The following GRAP2 variants were observed in gnomAD, a reference collection of about 807,000 sequenced individuals.
The protein encoded by GRAP2 is GRB2-related adapter protein 2.
In GRAP2, 31 loss-of-function variants were observed where a neutral mutation model predicts 43.5. The observed-to-expected ratio is 0.71, with a 90% CI of 0.54 to 0.96. The LOEUF (loss-of-function observed/expected upper bound fraction) is 0.96. Among genes scored for constraint, GRAP2 ranks in the 40% least tolerant of loss-of-function variants. The pLI, the probability that GRAP2 is intolerant of heterozygous loss-of-function variation, is 0.00. For missense variants in GRAP2, 371 were observed against 424.4 expected (o/e 0.87, Z 1.11); for synonymous variants, 156 against 164.8 (o/e 0.95, Z 0.41).
intron 3 of GRAP2, among the ~76,000 whole-genome samples, chr22:39,959,001 A>G (rs182051055): frequency 1.3e-5 from 2 of 152,372 alleles, no homozygotes; most frequent in Admixed American, 1.3e-4. Context: ...GAAAGCACAG[A>G]GAATTGCTCA....
At chr22:39,922,385 A>G (rs540178212) in intron 1 of GRAP2, among the ~76,000 whole-genome samples, 9 of 152,342 alleles carry the variant, frequency 5.9e-5, no homozygotes, top group Admixed American at 2.0e-4. Flanking sequence ...TAGTCCAAGA[A>G]GAAACACTCA....
chr22:39,898,865 C>T (rs1203215016), upstream of GRAP2, among the ~76,000 whole-genome samples: 1 of 152,058 alleles, frequency 6.6e-6, no homozygotes, highest in Non-Finnish European at 1.5e-5. Flanking sequence ...CAGATATAAA[C>T]AAATGACCCC....
intron 1 of GRAP2, among the ~76,000 whole-genome samples, chr22:39,912,921 G>A (rs144324987): frequency 6.6e-6 from 1 of 152,038 alleles, no homozygotes; most frequent in Non-Finnish European, 1.5e-5. Flanking sequence ...GGCCGGTCAC[G>A]GTGGCTCACA....
chr22:39,894,243 T>A, the GRAP2 span, among the ~76,000 whole-genome samples: 1 of 152,016 alleles, frequency 6.6e-6, no homozygotes, highest in Non-Finnish European at 1.5e-5. Context: ...CTCTTTTTTT[T>A]TATTTATTAT....
At chr22:39,965,958 A>G in intron 4 of GRAP2, 32 bp from the exon 5 acceptor site, 1 of 1,588,750 alleles carries the variant, frequency 6.3e-7, no homozygotes, top group Non-Finnish European at 8.6e-7. Context: ...ATCACCGTGT[A>G]ACATACAATT....
At chr22:39,907,597 C>G (rs1028654241) in intron 1 of GRAP2, among the ~76,000 whole-genome samples, 2 of 151,930 alleles carry the variant, frequency 1.3e-5, no homozygotes, top group African/African-American at 4.8e-5. Flanking sequence ...AAAAAATTAG[C>G]CAGGCCCAGT....
intron 1 of GRAP2, among the ~76,000 whole-genome samples, chr22:39,918,256 A>G (rs1222496439): frequency 6.6e-6 from 1 of 152,148 alleles, no homozygotes. Flanking sequence ...CTATTTCAGT[A>G]CTGGCTCCTA....
intron 7 of GRAP2, among the ~76,000 whole-genome samples, chr22:39,970,554 T>A (rs1022071393): frequency 3.3e-5 from 5 of 152,228 alleles, no homozygotes; most frequent in Non-Finnish European, 7.3e-5. Flanking sequence ...GTAAAAGTCC[T>A]GGGTCTCCAG....
intron 1 of GRAP2, among the ~76,000 whole-genome samples, chr22:39,922,228 G>T (rs1184056887): frequency 6.6e-6 from 1 of 152,168 alleles, no homozygotes; most frequent in African/African-American, 2.4e-5. Flanking sequence ...TTTCCATTGG[G>T]TGCCATACTT....
intron 4 of GRAP2, among the ~76,000 whole-genome samples, chr22:39,962,174 G>T (rs2067126472): frequency 6.6e-6 from 1 of 152,190 alleles, no homozygotes; most frequent in South Asian, 2.1e-4. Flanking sequence ...TCTAATCCCA[G>T]CACTTTGGGA....
At chr22:39,910,847 GTATTAGC>G (rs1302670215) in intron 1 of GRAP2, among the ~76,000 whole-genome samples, 1 of 152,026 alleles carries the variant, frequency 6.6e-6, no homozygotes, top group Non-Finnish European at 1.5e-5. Context: ...CAGAGCTAGG[GTATTAGC>G]TTCCCCTCCC....
At chr22:39,924,064 G>A (rs892992012) in intron 1 of GRAP2, among the ~76,000 whole-genome samples, 3 of 152,194 alleles carry the variant, frequency 2.0e-5, no homozygotes, top group African/African-American at 4.8e-5. Context: ...GCCATGTGAC[G>A]TTAAACCATC....
At chr22:39,896,247 G>A (rs754420697), upstream of GRAP2, among the ~76,000 whole-genome samples, 3 of 152,216 alleles carry the variant, frequency 2.0e-5, no homozygotes, top group Non-Finnish European at 4.4e-5. Context: ...TAAGGCAGAG[G>A]TCATGGGCAT....
intron 4 of GRAP2, among the ~76,000 whole-genome samples, chr22:39,965,132 G>A (rs1209375827): frequency 2.0e-5 from 3 of 152,210 alleles, no homozygotes; most frequent in Admixed American, 2.0e-4. Context: ...CCTCACACCT[G>A]TAATCCCAGC....
chr22:39,949,287 G>A (rs763793285), intron 2 of GRAP2, among the ~76,000 whole-genome samples: 7 of 152,234 alleles, frequency 4.6e-5, no homozygotes, highest in South Asian at 2.1e-4. Context: ...AGTAACCAAC[G>A]TCTCCTGAGC....
chr22:39,950,254 C>T (rs541875570), intron 2 of GRAP2, among the ~76,000 whole-genome samples: 1 of 152,342 alleles, frequency 6.6e-6, no homozygotes, highest in Admixed American at 6.5e-5. Context: ...CTCTTCAGCT[C>T]CTCCCCAACA....
chr22:39,908,091 T>G (rs1441903955), intron 1 of GRAP2, among the ~76,000 whole-genome samples: 1 of 152,216 alleles, frequency 6.6e-6, no homozygotes, highest in African/African-American at 2.4e-5. Flanking sequence ...AGTTTCTTCC[T>G]TAGTCAAGTG....
At position 39,942,400 on chromosome 22, in the gene GRAP2, C is replaced by A. The variant is rs111677218; in HGVS notation, c.-14-4693C>A. 4.2e-3 allele frequency among the ~76,000 whole-genome samples: 645 copies of A among 152,270 alleles called. 3 individuals are homozygous for A. The highest frequency in any genetic ancestry group is 7.1e-3 in the Admixed American group (109 of 15,292). Reference sequence around the variant, plus strand: ...TATAATTTTACATTTTCACTAAGCTCCTCTCAGTAGTAGCAGCAGCCAAAG... The same window carrying A: ...TATAATTTTACATTTTCACTAAGCTACTCTCAGTAGTAGCAGCAGCCAAAG... On this transcript the variant is annotated intron_variant, in intron 1 of 7. Coordinates refer to ENST00000344138, the MANE Select transcript of GRAP2 (RefSeq NM_004810.4).
chr22:39,943,514 C>T (rs745348374), intron 1 of GRAP2, among the ~76,000 whole-genome samples: 74 of 152,056 alleles, frequency 4.9e-4, no homozygotes, highest in Non-Finnish European at 8.2e-4. Context: ...GCACTGAGGC[C>T]CTACAAATGG....
Sources: gnomAD v4.1 joint callset for allele counts (sites outside exome capture counted in the v4.1 genomes callset) on GRCh38, gnomAD v4.1.1 for gene constraint, MANE v1.5 for transcripts, NCBI Gene and HGNC (gene_info 2026-07-23, HGNC 2026-07-21) for gene names.